FRMD4B: variants seen among roughly 807,000 people sequenced by gnomAD.
The protein encoded by FRMD4B is FERM domain-containing protein 4B.
Under a neutral mutation model 141.5 loss-of-function variants are expected in FRMD4B, and 74 were observed. That is an observed-to-expected ratio of 0.52 (90% CI 0.43 to 0.63). The LOEUF is 0.63. Ranked by LOEUF, FRMD4B falls within the 30% of genes least tolerant of loss-of-function variation. The pLI, the probability that FRMD4B is intolerant of heterozygous loss-of-function variation, is 0.00. For synonymous variants in FRMD4B, 506 were observed against 467.9 expected (o/e 1.08, Z -1.05); for missense variants, 1,366 against 1,253.4 (o/e 1.09, Z -1.36).
intron 1 of FRMD4B, among the ~76,000 whole-genome samples, chr3:69,533,581 G>GCACAA (rs2107161360): frequency 6.6e-6 from 1 of 152,302 alleles, no homozygotes; most frequent in Admixed American, 6.5e-5. Flanking sequence ...GCTTTGAAAA[G>GCACAA]GGAACTTATT....
At chr3:69,178,712 A>G (rs571597812) in intron 21 of FRMD4B, among the ~76,000 whole-genome samples, 6 of 150,234 alleles carry the variant, frequency 4.0e-5, no homozygotes, top group Admixed American at 1.3e-4. Context: ...GAGCTAGGAC[A>G]GAATCCCCAG....
chr3:69,172,517 A>G (rs1403273960), intron 22 of FRMD4B, among the ~76,000 whole-genome samples: 1 of 152,134 alleles, frequency 6.6e-6, no homozygotes, highest in African/African-American at 2.4e-5. Context: ...TATATTTTTA[A>G]CTTTTTAAAA....
At chr3:69,173,196 G>C (rs1559680330) in intron 22 of FRMD4B, among the ~76,000 whole-genome samples, 1 of 152,138 alleles carries the variant, frequency 6.6e-6, no homozygotes, top group Non-Finnish European at 1.5e-5. Flanking sequence ...AAAGAAAAAA[G>C]TTATTTGAAA....
chr3:69,393,662 AT>A (rs893293600), intron 2 of FRMD4B, among the ~76,000 whole-genome samples: 8 of 152,114 alleles, frequency 5.3e-5, no homozygotes, highest in African/African-American at 9.6e-5. Context: ...ATATAGCACC[AT>A]TTTTTTTCTA....
chr3:69,368,821 C>T (rs1225744101), intron 1 of FRMD4B, among the ~76,000 whole-genome samples: 3 of 152,146 alleles, frequency 2.0e-5, no homozygotes, highest in African/African-American at 7.2e-5. Context: ...CCATATCTGG[C>T]TAATTTTTTG....
In FRMD4B at chr3:69,450,136, C is replaced by G. The variant is rs1219720602; in HGVS notation, c.-128-17375G>C. 5.7e-3 allele frequency among the ~76,000 whole-genome samples: 863 copies of G among 152,326 alleles called. 9 individuals are homozygous for G. The highest frequency in any genetic ancestry group is 0.02 in the African/African-American group (815 of 41,566). ...AGGTGAGATGAAATTTGTAAAGCAT[C>G]TCATACAATGCCTGCAGACAATAAT... On this transcript the variant is annotated intron_variant, in intron 1 of 5. Transcript: ENST00000459638.
At chr3:69,187,990 C>G (rs998495650) in intron 18 of FRMD4B, 73 bp from the exon 19 acceptor site, 3 of 785,976 alleles carry the variant, frequency 3.8e-6, no homozygotes, top group East Asian at 5.6e-5. Flanking sequence ...TTGCCAATAC[C>G]TCAAAAAAGA....
Position 69,372,330 on chromosome 3 carries a change from T to C in FRMD4B, c.162+13498A>G, listed in dbSNP as rs548385300. On this transcript the variant is annotated intron_variant, in intron 1 of 22. Transcript: ENST00000398540. Reference sequence around the variant, plus strand: ...GTTGTATCCCAAGTGCCCAGAAAAGTGCCTGGAAGGTAATAAATATTGCTC... The same window carrying C: ...GTTGTATCCCAAGTGCCCAGAAAAGCGCCTGGAAGGTAATAAATATTGCTC... 7.8e-4 allele frequency among the ~76,000 whole-genome samples: 119 copies of C among 152,264 alleles called. 2 individuals carry two copies. In the South Asian group the frequency reaches 0.024, roughly 31 times the overall value.
intron 1 of FRMD4B, among the ~76,000 whole-genome samples, chr3:69,333,248 T>C (rs774453672): frequency 1.6e-4 from 25 of 152,112 alleles, no homozygotes; most frequent in Non-Finnish European, 2.6e-4. Context: ...AAATCTCTGG[T>C]TTTTTTGGCT....
At chr3:69,372,860 G>T (rs1457608922) in intron 1 of FRMD4B, among the ~76,000 whole-genome samples, 1 of 152,078 alleles carries the variant, frequency 6.6e-6, no homozygotes, top group Admixed American at 6.5e-5. Context: ...TAGAAGGCAG[G>T]TATAATATTA....
At chr3:69,297,159 G>A (rs1701060244) in intron 4 of FRMD4B, among the ~76,000 whole-genome samples, 1 of 152,108 alleles carries the variant, frequency 6.6e-6, no homozygotes, top group Non-Finnish European at 1.5e-5. Flanking sequence ...GAATGACGAG[G>A]ACTCACGGGT....
chr3:69,347,894 T>C (rs1054030380), intron 1 of FRMD4B, among the ~76,000 whole-genome samples: 1 of 152,124 alleles, frequency 6.6e-6, no homozygotes, highest in African/African-American at 2.4e-5. Flanking sequence ...AGATCTAAAT[T>C]TGACACCCTA....
At chr3:69,536,572 G>T (rs187162973) in intron 1 of FRMD4B, 2 of 721,392 alleles carry the variant, frequency 2.8e-6, no homozygotes, top group South Asian at 3.0e-5. Context: ...GGCAGGAGGC[G>T]GCATGCCACC....
At chr3:69,275,227 A>T (rs1559770668) in intron 5 of FRMD4B, among the ~76,000 whole-genome samples, 1 of 152,188 alleles carries the variant, frequency 6.6e-6, no homozygotes, top group African/African-American at 2.4e-5. Context: ...TTGTACTTGT[A>T]TGCATTTTCT....
rs555493000 is a variant in FRMD4B, at chr3:69,475,644, G to T, written c.-128-42883C>A. On this transcript the variant is annotated intron_variant, in intron 1 of 5. Coordinates refer to the FRMD4B transcript ENST00000459638. ...GGGTTGGTTCCAAGTCTTTGCTATT[G>T]TGAATAGAGCCGCAATAAACATACG... 1.7e-3 allele frequency among the ~76,000 whole-genome samples: 264 copies of T among 152,150 alleles called. 1 individual carries two copies. The highest frequency in any genetic ancestry group is 6.1e-3 in the African/African-American group (254 of 41,474).
At chr3:69,345,898 A>AGCT (rs1341880519) in intron 1 of FRMD4B, among the ~76,000 whole-genome samples, 2 of 152,192 alleles carry the variant, frequency 1.3e-5, no homozygotes, top group Admixed American at 1.3e-4. Context: ...AGAGCAGAAA[A>AGCT]GCTGAAAATT....
At chr3:69,507,552 T>C (rs1216985272) in intron 1 of FRMD4B, among the ~76,000 whole-genome samples, 1 of 152,238 alleles carries the variant, frequency 6.6e-6, no homozygotes, top group East Asian at 1.9e-4. Flanking sequence ...GTGTTAAATA[T>C]GTTTAACCAG....
chr3:69,384,336 T>C (rs148816897), intron 1 of FRMD4B, among the ~76,000 whole-genome samples: 1 of 152,326 alleles, frequency 6.6e-6, no homozygotes, highest in East Asian at 1.9e-4. Flanking sequence ...ATCCTCTGAA[T>C]CCTTGGGGAG....
chr3:69,490,911 C>T (rs1706292211), intron 1 of FRMD4B, among the ~76,000 whole-genome samples: 1 of 152,054 alleles, frequency 6.6e-6, no homozygotes, highest in Non-Finnish European at 1.5e-5. Context: ...TCCAAAACCC[C>T]ACCCTCATTC....
Sources: allele counts gnomAD v4.1 joint callset (sites outside exome capture counted in the v4.1 genomes callset), GRCh38; gene constraint gnomAD v4.1.1; transcripts MANE v1.5; gene names NCBI Gene and HGNC (gene_info 2026-07-23, HGNC 2026-07-21).